The following FOXN4 variants were observed in gnomAD, a reference collection of about 807,000 sequenced individuals.
The protein encoded by FOXN4 is forkhead box N4, also known as forkhead box protein N4.
Under a neutral mutation model 45.0 loss-of-function variants are expected in FOXN4, and 12 were observed. The ratio of observed to expected loss-of-function variants is 0.27; its 90% CI spans 0.17 to 0.43. The LOEUF is 0.43. Among genes scored for constraint, FOXN4 ranks in the 20% least tolerant of loss-of-function variants. FOXN4 has a pLI of 1.00. For missense variants in FOXN4, 560 were observed against 694.9 expected (o/e 0.81, Z 2.18); for synonymous variants, 297 against 295.0 (o/e 1.01, Z -0.07).
rs564416768 is a variant in FOXN4, at chr12:109,286,996, T to C, written c.597-252A>G. On this transcript the variant is annotated intron_variant, in intron 6 of 9. Transcript: ENST00000299162. Reference sequence around the variant, plus strand: ...AAATCTTACCCTTTCCCCTCTTTATTGCATCCCCATAATTTTAATGGCTAT... The same window carrying C: ...AAATCTTACCCTTTCCCCTCTTTATCGCATCCCCATAATTTTAATGGCTAT... 3.2e-6 allele frequency: 3 copies of C among 942,966 alleles called. No homozygotes were observed. In the African/African-American group the frequency reaches 5.0e-5, roughly 16 times the overall value. 58.4% of individuals were successfully genotyped at this position (942,966 alleles called of 1,614,324 possible).
chr12:109,304,297 A>AAAGAAAGAGAAAGAAAGAAGGAAAGAAG (rs1566005780), intron 2 of FOXN4, among the ~76,000 whole-genome samples: 1 of 138,728 alleles, frequency 7.2e-6, no homozygotes, highest in African/African-American at 2.7e-5. Context: ...GAAAGAAAGG[A>AAAGAAAGAGAAAGAAAGAAGGAAAGAAG]GAAAGAAAGA....
rs772921260 is a variant in FOXN4 at position 109,285,272 on chromosome 12, TGTGC to T, written c.901+28_901+31del. 1.3e-3 allele frequency: 1,943 copies of T among 1,492,538 alleles called. 2 individuals are homozygous for T. The highest frequency in any genetic ancestry group is 3.1e-3 in the Middle Eastern group (13 of 4,174). The allele number at this position is 1,492,538 out of a possible 1,614,324, so 92.5% of individuals were successfully genotyped here. A position where few individuals can be genotyped will look rare whatever the true frequency, so the allele number is the denominator to read the frequency against. On this transcript the variant is annotated intron_variant, in intron 8 of 9. Coordinates refer to ENST00000299162, the MANE Select transcript of FOXN4 (RefSeq NM_213596.3). ...GTGTGTGTGTGTGTGTGTGTGTGTG[TGTGC>T]GCGCACTGCGGGCTGTCCGGCCCTC...
chr12:109,284,621 A>G (rs1301789198), intron 8 of FOXN4, among the ~76,000 whole-genome samples: 1 of 149,310 alleles, frequency 6.7e-6, no homozygotes, highest in Non-Finnish European at 1.5e-5. Flanking sequence ...AGAGTTGGCC[A>G]TGCTCTAGTA....
intron 8 of FOXN4, among the ~76,000 whole-genome samples, chr12:109,282,647 T>A (rs1164375636): frequency 6.6e-6 from 1 of 152,188 alleles, no homozygotes; most frequent in Non-Finnish European, 1.5e-5. Flanking sequence ...AGCCACTCCC[T>A]GCTACTAAAG....
Position 109,285,328 on chromosome 12 carries a change from T to C in FOXN4, c.877A>G (p.Ile293Val), listed in dbSNP as rs2047699199. 2 of 1,612,330 alleles carry C rather than the reference T, an allele frequency of 1.2e-6. No individual in the cohort carries two copies. The highest frequency in any genetic ancestry group is 1.7e-6 in the Non-Finnish European group (2 of 1,179,460). ...HKWKRKDLAA[I>V]HRSMANPEEL... is the part of the protein sequence containing the mutation. ...CCAGGGTTGGCCATACTCCGGTGGATGGCAGCCAGGTCCTTCCTCTTCCAC... is the reference window on the plus strand; with the variant it reads ...CCAGGGTTGGCCATACTCCGGTGGACGGCAGCCAGGTCCTTCCTCTTCCAC... The change falls in exon 8 of 10, where the codon ATC becomes GTC. Residue 293 changes from isoleucine (I) to valine (V), a missense_variant. By Grantham distance (29) the Ile-to-Val change is conservative (BLOSUM62 3). Transcript: ENST00000299162.
chr12:109,298,376 T>C (rs1318229589), intron 2 of FOXN4, among the ~76,000 whole-genome samples: 9 of 151,876 alleles, frequency 5.9e-5, no homozygotes, highest in Admixed American at 2.0e-4. Flanking sequence ...TGTTTTGTTT[T>C]TGTTTTTAAC....
intron 2 of FOXN4, among the ~76,000 whole-genome samples, chr12:109,297,340 GT>G (rs1329049847): frequency 6.6e-6 from 1 of 152,210 alleles, no homozygotes. Context: ...GAATCTTTTT[GT>G]TTTGTTTTGT....
Position 109,290,025 on chromosome 12 carries a change from A to G in FOXN4, c.232+116T>C, listed in dbSNP as rs2047750928. On this transcript the variant is annotated intron_variant, in intron 3 of 9. Coordinates refer to ENST00000299162, the MANE Select transcript of FOXN4 (RefSeq NM_213596.3). The surrounding 1 kb of genome is among the most constrained non-coding windows in gnomAD (Gnocchi z 5.1). Reference sequence around the variant, plus strand: ...TCCCATTTTACAGATGCAGAAAGAGAGGCCCAGAGAGACTGGGAGACCGGG... The same window carrying G: ...TCCCATTTTACAGATGCAGAAAGAGGGGCCCAGAGAGACTGGGAGACCGGG... The G allele has an allele frequency of 8.4e-7, 1 of 1,192,268 alleles. No homozygotes were observed. Among genetic ancestry groups the G allele is most frequent in the Non-Finnish European group, 1.1e-6 (1 of 888,738 alleles). The allele number at this position is 1,192,268 out of a possible 1,614,324, so 73.9% of individuals were successfully genotyped here. A position where few individuals can be genotyped will look rare whatever the true frequency, so the allele number is the denominator to read the frequency against.
In FOXN4 at chr12:109,279,150, G is replaced by A. The variant is rs547412396; in HGVS notation, c.*521C>T. On this transcript the variant is annotated 3_prime_UTR_variant, in exon 10 of 10. Transcript: ENST00000299162. ...TCAGCTTGTCCTGTCCAAGAGAGAGGCTCAAGCTTCTCCGGCTCCATTTCC... is the reference window on the plus strand; with the variant it reads ...TCAGCTTGTCCTGTCCAAGAGAGAGACTCAAGCTTCTCCGGCTCCATTTCC... 5.6e-6 allele frequency: 1 copy of A among 178,646 alleles called. No individual in the cohort carries two copies. Among genetic ancestry groups the A allele is most frequent in the African/African-American group, 2.4e-5 (1 of 42,464 alleles). The allele number at this position is 178,646 out of a possible 1,614,324, so 11.1% of individuals were successfully genotyped here. A position where few individuals can be genotyped will look rare whatever the true frequency, so the allele number is the denominator to read the frequency against.
At chr12:109,297,485 C>T (rs560116208) in intron 2 of FOXN4, among the ~76,000 whole-genome samples, 2 of 152,260 alleles carry the variant, frequency 1.3e-5, no homozygotes, top group South Asian at 4.2e-4. Flanking sequence ...GGATTACAGG[C>T]GCCACCATGC....
chr12:109,279,705 C>T lies in FOXN4; in HGVS notation c.1520G>A (p.Gly507Asp), dbSNP rs1351510436. ...GGCTATAGGCTTGTTCCCCTGTGCA[C>T]CCAGGTACTGGGAGGAGGAGCTGGT... ...SGTSSSSQYL[G>D]AQGNKPIALL Residue 507 changes from glycine to aspartate, a missense_variant, in exon 10 of 10, where the codon GGT becomes GAT. Physicochemically the swap from Gly to Asp is moderately conservative, Grantham distance 94 (BLOSUM62 -1). This residue lies in a region of FOXN4 where 315 missense variants were observed against 350.5 expected (regional missense o/e 0.90). Coordinates refer to ENST00000299162, the MANE Select transcript of FOXN4 (RefSeq NM_213596.3). The T allele has an allele frequency of 6.4e-7, 1 of 1,574,286 alleles. No homozygotes were observed. Among genetic ancestry groups the T allele is most frequent in the African/African-American group, 1.4e-5 (1 of 74,028 alleles).
In FOXN4 at chr12:109,290,624, G is replaced by A. The variant is rs1486454425; in HGVS notation, c.87-338C>T. Among the ~76,000 whole-genome samples, 1 of 152,184 alleles carries A rather than the reference G, an allele frequency of 6.6e-6. No homozygotes were observed. The highest frequency in any genetic ancestry group is 1.5e-5 in the Non-Finnish European group (1 of 68,040). ...CACTCCCAGTCACCCTATGAGGCAG[G>A]TGTTATTATTCCTATTTTACAGATG... On this transcript the variant is annotated intron_variant, in intron 2 of 9. Transcript: ENST00000299162. This position sits in a 1 kb window ranked among gnomAD's most constrained non-coding sequence, Gnocchi z 5.1.
chr12:109,283,185 TA>T (rs1013415036), intron 8 of FOXN4, among the ~76,000 whole-genome samples: 1 of 139,652 alleles, frequency 7.2e-6, no homozygotes, highest in African/African-American at 2.7e-5. Context: ...ATTTTTTTTT[TA>T]AAAGCAGATG....
rs571955313 is a variant in FOXN4, at chr12:109,290,576, C to T, written c.87-290G>A. The stretch of plus-strand genomic sequence containing the variant: ...TATTTGTTGAGGACTTGACCAGTGC[C>T]AGACACCGATCAAGCCTTTTTACAC... On this transcript the variant is annotated intron_variant, in intron 2 of 9. Coordinates refer to ENST00000299162, the MANE Select transcript of FOXN4 (RefSeq NM_213596.3). The surrounding 1 kb of genome is among the most constrained non-coding windows in gnomAD (Gnocchi z 5.1). Among the ~76,000 whole-genome samples the T allele has an allele frequency of 6.6e-6, 1 of 152,334 alleles. No individual in the cohort carries two copies. The highest frequency in any genetic ancestry group is 2.4e-5 in the African/African-American group (1 of 41,570).
intron 8 of FOXN4, among the ~76,000 whole-genome samples, chr12:109,283,562 G>A (rs938618136): frequency 2.1e-5 from 3 of 146,258 alleles, no homozygotes; most frequent in African/African-American, 5.1e-5. Context: ...TGCAACCTCC[G>A]CCTCCTGGGT....
At chr12:109,299,035 G>A (rs1054587197) in intron 2 of FOXN4, among the ~76,000 whole-genome samples, 15 of 152,140 alleles carry the variant, frequency 9.9e-5, no homozygotes, top group African/African-American at 3.6e-4. Flanking sequence ...TGAAAAGGCA[G>A]GCAGAACTAT....
chr12:109,278,248 C>T lies in FOXN4; in HGVS notation c.*1423G>A, dbSNP rs560839428. Reference sequence around the variant, plus strand: ...AATGCCAAAACTCCCAGGCAGCTGGCTGAGCTGTTGATTAAACAGAACATC... The same window carrying T: ...AATGCCAAAACTCCCAGGCAGCTGGTTGAGCTGTTGATTAAACAGAACATC... On this transcript the variant is annotated 3_prime_UTR_variant, in exon 10 of 10. Coordinates refer to ENST00000299162, the MANE Select transcript of FOXN4 (RefSeq NM_213596.3). The T allele has an allele frequency of 6.6e-6, 1 of 152,362 alleles. No homozygotes were observed. Among genetic ancestry groups the T allele is most frequent in the East Asian group, 1.9e-4 (1 of 5,180 alleles). 9.4% of individuals were successfully genotyped at this position (152,362 alleles called of 1,614,324 possible).
At position 109,286,849 on chromosome 12, in the gene FOXN4, G is replaced by T. The variant is rs748969904; in HGVS notation, c.597-105C>A. 12 of 1,469,486 alleles carry T rather than the reference G, an allele frequency of 8.2e-6. No homozygotes were observed. In the Admixed American group the frequency reaches 2.6e-4, roughly 32 times the overall value. 91.0% of individuals were successfully genotyped at this position (1,469,486 alleles called of 1,614,324 possible). A position where few individuals can be genotyped will look rare whatever the true frequency, so the allele number is the denominator to read the frequency against. On this transcript the variant is annotated intron_variant, in intron 6 of 9. Transcript: ENST00000299162. ...CAATGCCGCCTCTGCCAGGAAGCCT[G>T]CCCTGCTTGACCCTAAACACTCACA...
intron 2 of FOXN4, among the ~76,000 whole-genome samples, chr12:109,304,727 G>C (rs898953259): frequency 6.6e-6 from 1 of 152,230 alleles, no homozygotes; most frequent in Non-Finnish European, 1.5e-5. Context: ...GCGGCTGCAC[G>C]AGAGGCTGGA....
Sources: gnomAD v4.1 joint callset for allele counts (sites outside exome capture counted in the v4.1 genomes callset) on GRCh38, gnomAD v4.1.1 for gene constraint, gnomAD v4.1.1 regional missense constraint, Gnocchi (gnomAD v3.1) non-coding constraint, MANE v1.5 for transcripts, NCBI Gene and HGNC (gene_info 2026-07-23, HGNC 2026-07-21) for gene names.